Variants in USP49 observed in about 807,000 individuals in gnomAD.
USP49 encodes the protein ubiquitin carboxyl-terminal hydrolase 49.
Under a neutral mutation model 58.6 loss-of-function variants are expected in USP49, and 24 were observed. The ratio of observed to expected loss-of-function variants is 0.41; its 90% CI spans 0.30 to 0.58. The LOEUF (loss-of-function observed/expected upper bound fraction) is 0.58, where lower values mean the gene tolerates loss of function less well. USP49 is among the 20% of genes least tolerant of loss of function. The pLI is 0.30. For synonymous variants in USP49, 408 were observed against 365.1 expected, an observed-to-expected ratio of 1.12 and a Z score of -1.34; for missense variants, 703 against 866.1, an observed-to-expected ratio of 0.81 and a Z score of 2.36.
intron 2 of USP49, among the ~76,000 whole-genome samples, chr6:41,880,664 A>C (rs1774588372): frequency 6.6e-6 from 1 of 152,224 alleles, no homozygotes; most frequent in Non-Finnish European, 1.5e-5. Flanking sequence ...TAAATCAAGT[A>C]TAAAAGAAAA....
At position 41,796,240 on chromosome 6, in the gene USP49, C is replaced by G; in HGVS notation, c.*293G>C. On this transcript the variant is annotated 3_prime_UTR_variant, in exon 8 of 8. Coordinates refer to ENST00000682992, the MANE Select transcript of USP49 (RefSeq NM_001286554.2). ...CTCCTGTGTGGATATGATTGATTTA[C>G]CCCCCCGCCCCGCTTTCCTCCACCC... 3.6e-6 allele frequency: 1 copy of G among 279,506 alleles called. No homozygotes were observed. Among genetic ancestry groups the G allele is most frequent in the Non-Finnish European group, 6.9e-6 (1 of 145,560 alleles). The allele number at this position is 279,506 out of a possible 1,614,324, so 17.3% of individuals were successfully genotyped here. A position where few individuals can be genotyped will look rare whatever the true frequency, so the allele number is the denominator to read the frequency against.
At chr6:41,857,340 G>C (rs1774147800) in intron 3 of USP49, among the ~76,000 whole-genome samples, 1 of 152,076 alleles carries the variant, frequency 6.6e-6, no homozygotes, top group Non-Finnish European at 1.5e-5. Flanking sequence ...AACCCTCTTT[G>C]TATCTTACTA....
intron 2 of USP49, among the ~76,000 whole-genome samples, chr6:41,887,703 C>T (rs1238817100): frequency 6.6e-6 from 1 of 152,222 alleles, no homozygotes; most frequent in Non-Finnish European, 1.5e-5. Flanking sequence ...CCAGCCCTGG[C>T]TGCATAGAAG....
rs1031840505 is a variant in USP49, at chr6:41,806,247, G to A, written c.737C>T (p.Pro246Leu). 2.5e-6 allele frequency: 4 copies of A among 1,608,952 alleles called. No individual in the cohort carries two copies. Among genetic ancestry groups the A allele is most frequent in the East Asian group, 4.5e-5 (2 of 44,862 alleles). Reference protein sequence around the residue: ...PAATLKLRRQPAMAPGVTGLR... With the variant: ...PAATLKLRRQLAMAPGVTGLR... Reference sequence around the variant, plus strand: ...GCCCGTGACGCCTGGGGCCATGGCCGGCTGGCGACGCAGCTTGAGTGTGGC... The same window carrying A: ...GCCCGTGACGCCTGGGGCCATGGCCAGCTGGCGACGCAGCTTGAGTGTGGC... The change falls in exon 4 of 8, where the codon CCG becomes CTG. Residue 246 changes from proline to leucine, a missense_variant. By Grantham distance (98) the Pro-to-Leu change is moderately conservative. Coordinates refer to ENST00000682992, the MANE Select transcript of USP49 (RefSeq NM_001286554.2). The surrounding 1 kb of genome is among the most constrained non-coding windows in gnomAD (Gnocchi z 5.9).
intron 7 of USP49, chr6:41,798,463 A>T: frequency 1.1e-6 from 1 of 909,212 alleles, no homozygotes; most frequent in Non-Finnish European, 1.5e-6. Flanking sequence ...TTTAGTAGAG[A>T]CGGGGTTTAA....
chr6:41,878,178 A>C (rs1356939914), intron 2 of USP49, among the ~76,000 whole-genome samples: 1 of 152,216 alleles, frequency 6.6e-6, no homozygotes, highest in African/African-American at 2.4e-5. Context: ...TTGCTACCAA[A>C]GAAAGCAAAG....
chr6:41,807,185 G>A (rs1413048296), intron 3 of USP49, among the ~76,000 whole-genome samples, 174 bp from the exon 4 acceptor site: 1 of 151,672 alleles, frequency 6.6e-6, no homozygotes, highest in Non-Finnish European at 1.5e-5. Context: ...GGCACATTTG[G>A]TATAAAGGCA....
At chr6:41,884,422 C>A (rs1015323661) in intron 2 of USP49, among the ~76,000 whole-genome samples, 1 of 152,138 alleles carries the variant, frequency 6.6e-6, no homozygotes, top group Non-Finnish European at 1.5e-5. Context: ...CCAAATTCTA[C>A]AACAGTGTGG....
Position 41,798,525 on chromosome 6 carries a change from C to T in USP49, c.1876+199G>A, listed in dbSNP as rs530744623. 2.6e-5 allele frequency: 38 copies of T among 1,445,010 alleles called. No homozygotes were observed. In the African/African-American group the frequency reaches 3.4e-4, roughly 13 times the overall value. The allele number at this position is 1,445,010 out of a possible 1,614,324, so 89.5% of individuals were successfully genotyped here. On this transcript the variant is annotated intron_variant, in intron 7 of 7. Coordinates refer to ENST00000682992, the MANE Select transcript of USP49 (RefSeq NM_001286554.2). ...TCCTGACCTCAGGTGATCCACCCACCGCGGCCTCCCAAAGCGCTAGGATTA... is the reference window on the plus strand; with the variant it reads ...TCCTGACCTCAGGTGATCCACCCACTGCGGCCTCCCAAAGCGCTAGGATTA...
At chr6:41,887,045 AAGTGAGCATATG>A (rs1237081865) in intron 2 of USP49, among the ~76,000 whole-genome samples, 1 of 152,246 alleles carries the variant, frequency 6.6e-6, no homozygotes, top group African/African-American at 2.4e-5. Flanking sequence ...TGGTCCATCC[AAGTGAGCATATG>A]ACATATCCTA....
intron 3 of USP49, 43 bp from the exon 4 acceptor site, chr6:41,807,054 C>A (rs1253867598): frequency 9.7e-6 from 12 of 1,231,058 alleles, no homozygotes; most frequent in East Asian, 2.8e-5. Flanking sequence ...AAAAAGAAAA[C>A]ACTTTTAGAA....
At chr6:41,802,428 T>TTTATTTA (rs1554142794) in intron 5 of USP49, among the ~76,000 whole-genome samples, 5 of 106,432 alleles carry the variant, frequency 4.7e-5, no homozygotes, top group South Asian at 3.1e-4. Context: ...TTTTATTTTA[T>TTTATTTA]TTTATTTATT....
In USP49 at chr6:41,806,627, G is replaced by A. The variant is rs759604634; in HGVS notation, c.357C>T (p.Ser119=). 3.1e-6 allele frequency: 5 copies of A among 1,612,474 alleles called. No individual in the cohort carries two copies. Among genetic ancestry groups the A allele is most frequent in the East Asian group, 4.5e-5 (2 of 44,878 alleles). Residue 119 remains serine (S), a synonymous_variant, in exon 4 of 8, where the codon TCC becomes TCT. Transcript: ENST00000682992. This position sits in a 1 kb window ranked among gnomAD's most constrained non-coding sequence, Gnocchi z 5.9. The stretch of plus-strand genomic sequence containing the variant: ...GGACCACGTCCTCACCCGAAGCCAT[G>A]GACCGCAGCGTCCGCCCACGTCTCA... ...TPVRRGRTLR[S]MASGEDVVLP...
At chr6:41,874,735 G>A (rs1774473426) in intron 2 of USP49, among the ~76,000 whole-genome samples, 2 of 152,196 alleles carry the variant, frequency 1.3e-5, no homozygotes, top group African/African-American at 2.4e-5. Context: ...GGCCAAGACA[G>A]GAGGATTACT....
chr6:41,798,541 G>T (rs569261235), intron 7 of USP49, 183 bp downstream of exon 7: 5 of 1,492,678 alleles, frequency 3.3e-6, no homozygotes, highest in Non-Finnish European at 4.5e-6. Flanking sequence ...CTCCCAAAGC[G>T]CTAGGATTAC....
chr6:41,844,632 T>G (rs1773889497), intron 3 of USP49, among the ~76,000 whole-genome samples: 1 of 152,242 alleles, frequency 6.6e-6, no homozygotes, highest in South Asian at 2.1e-4. Flanking sequence ...TTTGATCAAT[T>G]TCATCAAAAG....
At chr6:41,807,502 G>A (rs927442791) in intron 3 of USP49, among the ~76,000 whole-genome samples, 1 of 152,072 alleles carries the variant, frequency 6.6e-6, no homozygotes, top group Non-Finnish European at 1.5e-5. Flanking sequence ...GTGCAGTGGC[G>A]GGATATCAGC....
intron 5 of USP49, among the ~76,000 whole-genome samples, chr6:41,801,016 G>A (rs73424044): frequency 1.3e-5 from 2 of 152,184 alleles, no homozygotes; most frequent in African/African-American, 2.4e-5. Context: ...TGCATTTCTC[G>A]AAGTCCTGGC....
rs760389495 is a variant in USP49 at position 41,806,013 on chromosome 6, G to A, written c.971C>T (p.Ala324Val). ...ELSLRNDRAE[A>V]CEREGFCWNG... is the part of the protein sequence containing the mutation. ...CCAGCAGAAGCCCTCCCGCTCGCAT[G>A]CCTCGGCCCTGTCATTTCTCAAGGA... is the stretch of plus-strand genomic sequence containing the variant. The change falls in exon 4 of 8, where the codon GCA (alanine) becomes GTA (valine). Residue 324 changes from alanine to valine, a missense_variant. Ala to Val is a moderately conservative substitution (Grantham distance 64). This residue lies in a region of USP49 where 97 missense variants were observed against 88.0 expected (regional missense o/e 1.10). Coordinates refer to ENST00000682992, the MANE Select transcript of USP49 (RefSeq NM_001286554.2). This position sits in a 1 kb window ranked among gnomAD's most constrained non-coding sequence, Gnocchi z 5.9. 2 of 1,613,952 alleles carry A rather than the reference G, an allele frequency of 1.2e-6. No individual in the cohort carries two copies. Among genetic ancestry groups the A allele is most frequent in the Non-Finnish European group, 1.7e-6 (2 of 1,180,036 alleles).
Sources: gnomAD v4.1 joint callset for allele counts (sites outside exome capture counted in the v4.1 genomes callset) on GRCh38, gnomAD v4.1.1 for gene constraint, gnomAD v4.1.1 regional missense constraint, Gnocchi (gnomAD v3.1) non-coding constraint, MANE v1.5 for transcripts, NCBI Gene and HGNC (gene_info 2026-07-23, HGNC 2026-07-21) for gene names.